The following NBEA variants were observed in gnomAD, a reference collection of about 807,000 sequenced individuals.
NBEA encodes lysosomal-trafficking regulator 2.
Under a neutral mutation model 343.4 loss-of-function variants are expected in NBEA, and 44 were observed. The observed-to-expected ratio is 0.13, with a 90% confidence interval of 0.10 to 0.16. The LOEUF (loss-of-function observed/expected upper bound fraction) is 0.16, where lower values mean the gene tolerates loss of function less well. Ranked by LOEUF, NBEA falls within the 10% of genes least tolerant of loss-of-function variation. The pLI is 1.00. For missense variants in NBEA, 2,555 were observed against 3,631.3 expected, an observed-to-expected ratio of 0.70 and a Z score of 7.62; for synonymous variants, 1,175 against 1,238.7, an observed-to-expected ratio of 0.95 and a Z score of 1.08.
intron 33 of NBEA, among the ~76,000 whole-genome samples, chr13:35,219,284 A>G (rs1180660199): frequency 6.6e-6 from 1 of 152,110 alleles, no homozygotes; most frequent in East Asian, 1.9e-4. Flanking sequence ...ATATTGCCAA[A>G]AAAATGTCTA....
chr13:35,004,066 A>G (rs2061234716), intron 1 of NBEA, among the ~76,000 whole-genome samples: 1 of 152,112 alleles, frequency 6.6e-6, no homozygotes, highest in African/African-American at 2.4e-5. Flanking sequence ...GCTGAGGATA[A>G]TGGCTTCCAG....
chr13:35,013,921 A>AT (rs1267402044), intron 1 of NBEA, among the ~76,000 whole-genome samples: 1 of 151,996 alleles, frequency 6.6e-6, no homozygotes, highest in Admixed American at 6.5e-5. Flanking sequence ...GATCCATTAA[A>AT]TTCTGCTTTA....
intron 35 of NBEA, among the ~76,000 whole-genome samples, chr13:35,293,270 G>A (rs570543596): frequency 6.6e-6 from 1 of 151,902 alleles, no homozygotes; most frequent in South Asian, 2.1e-4. Context: ...TCATCTTTGT[G>A]GAAAACATAT....
intron 48 of NBEA, among the ~76,000 whole-genome samples, chr13:35,613,407 T>G (rs969932952): frequency 3.3e-5 from 5 of 151,838 alleles, no homozygotes; most frequent in Non-Finnish European, 5.9e-5. Flanking sequence ...TGAATATCAT[T>G]TCATTGTTTA....
rs961651066 is a variant in NBEA, at chr13:35,158,943, T to C, written c.2845-73T>C. ...CATTATTTTTTCTATTTCCACAATT[T>C]AATTTGTATTATTTAGTTTTTTCTT... On this transcript the variant is annotated intron_variant, in intron 21 of 58. Transcript: ENST00000379939. 2.3e-6 allele frequency: 3 copies of C among 1,282,398 alleles called. No individual in the cohort carries two copies. In the Middle Eastern group the frequency reaches 5.9e-4, roughly 252 times the overall value. The allele number at this position is 1,282,398 out of a possible 1,614,324, so 79.4% of individuals were successfully genotyped here.
chr13:35,063,146 G>C (rs2063524345), intron 8 of NBEA, among the ~76,000 whole-genome samples: 2 of 151,950 alleles, frequency 1.3e-5, no homozygotes, highest in South Asian at 4.1e-4. Context: ...AGCTACTACA[G>C]ATAAGGTACA....
chr13:35,116,090 TGGGAC>T (rs1484161491), intron 13 of NBEA, among the ~76,000 whole-genome samples: 1 of 152,182 alleles, frequency 6.6e-6, no homozygotes. Context: ...CAGGGCAGGA[TGGGAC>T]CACAATCAGT....
At chr13:35,476,959 C>CCAGCTGT in intron 41 of NBEA, 1 of 334,734 alleles carries the variant, frequency 3.0e-6, no homozygotes, top group Non-Finnish European at 4.5e-6. Flanking sequence ...CTTGGCAAAG[C>CCAGCTGT]GGCTCTCTTC....
At chr13:35,507,246 C>G (rs2077103532) in intron 41 of NBEA, among the ~76,000 whole-genome samples, 2 of 152,086 alleles carry the variant, frequency 1.3e-5, no homozygotes, top group African/African-American at 4.8e-5. Flanking sequence ...TCTTCTTTGC[C>G]AAAATTCTCT....
intron 1 of NBEA, among the ~76,000 whole-genome samples, chr13:34,961,904 A>G (rs573748737): frequency 3.0e-4 from 46 of 152,212 alleles, no homozygotes; most frequent in Non-Finnish European, 6.6e-4. Flanking sequence ...AGCATTTAAA[A>G]TGTCCTTAGA....
chr13:35,056,250 T>C lies in NBEA; in HGVS notation c.1092+121T>C, dbSNP rs528443791. On this transcript the variant is annotated intron_variant, in intron 7 of 58. Coordinates refer to ENST00000379939, the MANE Select transcript of NBEA (RefSeq NM_001385012.1). ...TTAAAACTTTGAAAGTTTATTCTTT[T>C]TATTAAATAAATCTTTCATTGTTAA... The C allele has an allele frequency of 6.7e-5, 59 of 882,902 alleles. 2 individuals carry two copies. The South Asian group carries it at 3.0e-3, about 45-fold the overall frequency. 54.7% of individuals were successfully genotyped at this position (882,902 alleles called of 1,614,324 possible).
intron 34 of NBEA, among the ~76,000 whole-genome samples, chr13:35,279,249 A>C (rs996014210): frequency 6.6e-6 from 1 of 152,226 alleles, no homozygotes; most frequent in Non-Finnish European, 1.5e-5. Flanking sequence ...GGATCATGAT[A>C]TGAAATGTAT....
intron 51 of NBEA, 70 bp downstream of exon 51, chr13:35,646,418 G>T: frequency 1.7e-6 from 2 of 1,165,534 alleles, no homozygotes; most frequent in Non-Finnish European, 2.5e-6. Context: ...AAATAAAATT[G>T]TGATTTTAAC....
At chr13:35,505,451 G>C (rs1030371775) in intron 41 of NBEA, among the ~76,000 whole-genome samples, 2 of 152,188 alleles carry the variant, frequency 1.3e-5, no homozygotes, top group Non-Finnish European at 2.9e-5. Context: ...AACTGGGAGT[G>C]TAATCAGCTG....
chr13:35,210,906 T>C, intron 32 of NBEA, 147 bp from the exon 33 acceptor site: 1 of 728,970 alleles, frequency 1.4e-6, no homozygotes, highest in South Asian at 1.9e-5. Context: ...TTCATTAGCA[T>C]ACTTACTAAT....
intron 56 of NBEA, among the ~76,000 whole-genome samples, chr13:35,666,287 C>T (rs1269944571): frequency 6.6e-6 from 1 of 151,698 alleles, no homozygotes; most frequent in Non-Finnish European, 1.5e-5. Flanking sequence ...TGAAGGCTGG[C>T]ACCATGTTTT....
Position 35,490,137 on chromosome 13 carries a change from C to T in NBEA, c.6585+17601C>T, listed in dbSNP as rs1363718846. Among the ~76,000 whole-genome samples, 3 of 151,984 alleles carry T rather than the reference C, an allele frequency of 2.0e-5. No homozygotes were observed. The East Asian group carries it at 5.8e-4, about 30-fold the overall frequency. ...TACTGAGGGCACACTAGAATGAGGACAGACACAAATGCCAACAAAAGAAGG... is the reference window on the plus strand; with the variant it reads ...TACTGAGGGCACACTAGAATGAGGATAGACACAAATGCCAACAAAAGAAGG... On this transcript the variant is annotated intron_variant, in intron 41 of 58. Coordinates refer to ENST00000379939, the MANE Select transcript of NBEA (RefSeq NM_001385012.1).
rs1189669300 is a variant in NBEA, at chr13:35,389,807, T to G, written c.6179+37484T>G. 6.6e-5 allele frequency among the ~76,000 whole-genome samples: 10 copies of G among 152,266 alleles called. No homozygotes were observed. In the East Asian group the frequency reaches 1.9e-3, roughly 29 times the overall value. Reference sequence around the variant, plus strand: ...ATTCTGCAAAAGAAAGGAGCACAGATAAAGTGGTCCTTTTATAAATGGCTC... The same window carrying G: ...ATTCTGCAAAAGAAAGGAGCACAGAGAAAGTGGTCCTTTTATAAATGGCTC... On this transcript the variant is annotated intron_variant, in intron 38 of 58. Coordinates refer to ENST00000379939, the MANE Select transcript of NBEA (RefSeq NM_001385012.1).
intron 33 of NBEA, among the ~76,000 whole-genome samples, chr13:35,221,401 T>C (rs1247560095): frequency 6.6e-6 from 1 of 151,960 alleles, no homozygotes; most frequent in Non-Finnish European, 1.5e-5. Context: ...CAGTTGTTTA[T>C]CTTGATCTTT....
Sources: allele counts gnomAD v4.1 joint callset (sites outside exome capture counted in the v4.1 genomes callset), GRCh38; gene constraint gnomAD v4.1.1; transcripts MANE v1.5; gene names NCBI Gene and HGNC (gene_info 2026-07-23, HGNC 2026-07-21).